Variants in LAMA2 observed in about 807,000 individuals in gnomAD.
LAMA2 encodes the protein laminin subunit alpha 2.
Under a neutral mutation model 364.8 loss-of-function variants are expected in LAMA2, and 269 were observed. The observed-to-expected ratio is 0.74, with a 90% confidence interval of 0.67 to 0.82. LAMA2 has a LOEUF of 0.82. Ranked by LOEUF, LAMA2 falls within the 40% of genes least tolerant of loss-of-function variation. The probability of loss-of-function intolerance (pLI) is 0.00; values close to 1 mark genes in which losing one functional copy is unlikely to be tolerated. For missense variants in LAMA2, 3,807 were observed against 3,873.2 expected, an observed-to-expected ratio of 0.98 and a Z score of 0.45; for synonymous variants, 1,379 against 1,370.6, an observed-to-expected ratio of 1.01 and a Z score of -0.14.
At chr6:129,107,361 A>C (rs1319732519) in intron 4 of LAMA2, among the ~76,000 whole-genome samples, 1 of 152,002 alleles carries the variant, frequency 6.6e-6, no homozygotes, top group East Asian at 1.9e-4. Flanking sequence ...GCTTAAGCCC[A>C]CTCCTAACTA....
At chr6:129,005,710 A>T (rs1784407445) in intron 1 of LAMA2, among the ~76,000 whole-genome samples, 1 of 148,534 alleles carries the variant, frequency 6.7e-6, no homozygotes, top group Admixed American at 6.8e-5. Context: ...TGGGGGAAAA[A>T]TGTGTGTGTG....
At chr6:129,364,444 A>T (rs2114615781) in intron 32 of LAMA2, among the ~76,000 whole-genome samples, 1 of 152,316 alleles carries the variant, frequency 6.6e-6, no homozygotes, top group Non-Finnish European at 1.5e-5. Flanking sequence ...AGAATGTAAG[A>T]AATTGTAACT....
intron 1 of LAMA2, chr6:128,905,482 G>A (rs958655870): frequency 1.3e-5 from 2 of 152,072 alleles, no homozygotes; most frequent in Non-Finnish European, 2.9e-5. Context: ...GACTATTGCA[G>A]TTATAAGTCT....
chr6:129,192,597 T>A, intron 11 of LAMA2, 83 bp from the exon 12 acceptor site: 1 of 1,355,848 alleles, frequency 7.4e-7, no homozygotes, highest in African/African-American at 1.4e-5. Flanking sequence ...TTTCCAAAAG[T>A]GGACACGACC....
intron 4 of LAMA2, among the ~76,000 whole-genome samples, chr6:129,141,208 A>C (rs1778105622): frequency 1.3e-5 from 2 of 152,156 alleles, no homozygotes; most frequent in South Asian, 4.1e-4. Flanking sequence ...TGCCAAGGTT[A>C]ATCTCAGAGG....
chr6:128,963,009 T>G (rs1010846023), intron 1 of LAMA2, among the ~76,000 whole-genome samples: 13 of 152,192 alleles, frequency 8.5e-5, no homozygotes, highest in African/African-American at 3.1e-4. Context: ...GTACCTCTGT[T>G]GTCTTTTAAA....
intron 12 of LAMA2, 100 bp downstream of exon 12, chr6:129,192,953 A>T (rs1232131925): frequency 5.0e-6 from 6 of 1,211,628 alleles, no homozygotes; most frequent in Non-Finnish European, 5.9e-6. Flanking sequence ...AATCAAATAC[A>T]CACTGAATTG....
chr6:129,144,001 G>A lies in LAMA2; in HGVS notation c.740G>A (p.Arg247Lys), dbSNP rs759035344. Residue 247 changes from arginine to lysine, a missense_variant, in exon 5 of 65, where the codon AGG becomes AAG. By Grantham distance (26) the Arg-to-Lys change is conservative. Transcript: ENST00000421865. ...SARYIRLRFQRIRTLNADLMM... is the reference protein window; with the variant it reads ...SARYIRLRFQKIRTLNADLMM... ...CGCTATATTCGCCTGAGATTTCAGA[G>A]GATCCGCACACTGAATGCTGACTTG... The A allele has an allele frequency of 2.5e-6, 4 of 1,612,594 alleles. No individual in the cohort carries two copies. Among genetic ancestry groups the A allele is most frequent in the Non-Finnish European group, 3.4e-6 (4 of 1,179,128 alleles).
intron 3 of LAMA2, among the ~76,000 whole-genome samples, chr6:129,088,104 C>A (rs13210852): frequency 0.031 from 686 of 22,160 alleles, 49 homozygotes; most frequent in East Asian, 0.13. Context: ...ACTCTTAACG[C>A]GCATGCTGCC....
chr6:129,507,323 C>T (rs1350308803), intron 61 of LAMA2, among the ~76,000 whole-genome samples, 166 bp from the exon 62 acceptor site: 1 of 152,152 alleles, frequency 6.6e-6, no homozygotes, highest in Non-Finnish European at 1.5e-5. Flanking sequence ...GCATCCATGC[C>T]AGGAGGCCTG....
intron 1 of LAMA2, among the ~76,000 whole-genome samples, chr6:128,915,674 A>C (rs1778266421): frequency 6.6e-6 from 1 of 152,208 alleles, no homozygotes; most frequent in South Asian, 2.1e-4. Context: ...ACTCGATGGG[A>C]GTATTACTTA....
chr6:129,267,011 T>A (rs1787565735), intron 15 of LAMA2, 95 bp from the exon 16 acceptor site: 3 of 816,456 alleles, frequency 3.7e-6, no homozygotes, highest in Non-Finnish European at 6.6e-6. Context: ...GTTTCCTACC[T>A]GTTATTTTCT....
At chr6:129,227,402 G>C (rs113156266) in intron 12 of LAMA2, among the ~76,000 whole-genome samples, 9,134 of 152,186 alleles carry the variant, frequency 0.06, 918 homozygotes, top group African/African-American at 0.21. Context: ...AGGAGGAGAG[G>C]CGCTCTGATT....
chr6:129,040,193 GA>G (rs1250395066), intron 1 of LAMA2, among the ~76,000 whole-genome samples: 4 of 152,070 alleles, frequency 2.6e-5, no homozygotes, highest in Non-Finnish European at 4.4e-5. Flanking sequence ...TATCTACCTA[GA>G]AAAAAATGAC....
chr6:129,097,600 T>C (rs962325788), intron 3 of LAMA2, among the ~76,000 whole-genome samples: 15 of 152,178 alleles, frequency 9.9e-5, no homozygotes, highest in Non-Finnish European at 7.4e-5. Flanking sequence ...TCCTCCATTA[T>C]TTTCTATTTG....
chr6:129,295,634 C>T (rs1773121580), intron 20 of LAMA2, among the ~76,000 whole-genome samples: 1 of 151,968 alleles, frequency 6.6e-6, no homozygotes, highest in African/African-American at 2.4e-5. Flanking sequence ...TTGTATATTT[C>T]CTTACATAAT....
chr6:129,413,471 C>T (rs907852766), intron 40 of LAMA2, among the ~76,000 whole-genome samples: 1 of 152,024 alleles, frequency 6.6e-6, no homozygotes, highest in Non-Finnish European at 1.5e-5. Flanking sequence ...ATAATTAATT[C>T]TACATGCCCC....
At position 129,300,797 on chromosome 6, in the gene LAMA2, T is replaced by A. The variant is rs769510446; in HGVS notation, c.3099T>A (p.Pro1033=). 1.9e-6 allele frequency: 3 copies of A among 1,613,210 alleles called. No individual in the cohort carries two copies. In the South Asian group the frequency reaches 3.3e-5, roughly 18 times the overall value. ...CDPKTGRCIC[P]PNTIGEKCSK... ...CAAAGACTGGGCGATGCATTTGCCC[T>A]CCCAATACCATTGGAGAGAAATGTT... The change falls in exon 22 of 65, where the codon CCT becomes CCA. Residue 1033 remains proline (P), a synonymous_variant. Transcript: ENST00000421865.
At chr6:129,145,045 ACTC>A (rs1236871865) in intron 5 of LAMA2, among the ~76,000 whole-genome samples, 2 of 151,934 alleles carry the variant, frequency 1.3e-5, no homozygotes, top group Non-Finnish European at 2.9e-5. Context: ...TATAAAGTAA[ACTC>A]CTGTGAATAG....
Sources: gnomAD v4.1 joint callset for allele counts (sites outside exome capture counted in the v4.1 genomes callset) on GRCh38, gnomAD v4.1.1 for gene constraint, MANE v1.5 for transcripts, NCBI Gene and HGNC (gene_info 2026-07-23, HGNC 2026-07-21) for gene names.